The following CHIC2 variants were observed in gnomAD, a reference collection of about 807,000 sequenced individuals.
CHIC2 encodes cysteine-rich hydrophobic domain-containing protein 2.
CHIC2 carries 14 observed loss-of-function variants against 25.9 expected under a neutral mutation model. The ratio of observed to expected loss-of-function variants is 0.54; its 90% CI spans 0.36 to 0.85. The LOEUF (loss-of-function observed/expected upper bound fraction) is 0.85, where lower values mean the gene tolerates loss of function less well. Ranked by LOEUF, CHIC2 falls within the 40% of genes least tolerant of loss-of-function variation. CHIC2 has a pLI of 0.01. For synonymous variants in CHIC2, 70 were observed against 72.0 expected (o/e 0.97, Z 0.14); for missense variants, 146 against 202.0 (o/e 0.72, Z 1.68).
chr4:54,021,501 C>T (rs1715898072), intron 3 of CHIC2, among the ~76,000 whole-genome samples: 1 of 152,082 alleles, frequency 6.6e-6, no homozygotes, highest in African/African-American at 2.4e-5. Context: ...AGCCTCTGCT[C>T]CCCGACCCTA....
At chr4:54,078,810 C>T in the CHIC2 span, among the ~76,000 whole-genome samples, 1 of 152,042 alleles carries the variant, frequency 6.6e-6, no homozygotes, top group African/African-American at 2.4e-5. Flanking sequence ...CCACCGTTCC[C>T]GGCCTCTCTT....
the CHIC2 span, among the ~76,000 whole-genome samples, chr4:54,070,671 A>G: frequency 2.6e-5 from 4 of 151,948 alleles, no homozygotes; most frequent in Non-Finnish European, 5.9e-5. Flanking sequence ...GATCTGCCCA[A>G]CTCGGCCTCC....
intron 3 of CHIC2, among the ~76,000 whole-genome samples, chr4:54,044,901 G>GC (rs1265277857): frequency 6.6e-6 from 1 of 151,958 alleles, no homozygotes; most frequent in East Asian, 1.9e-4. Flanking sequence ...TAGACCGCTA[G>GC]CAAGACTAAT....
chr4:54,072,450 CA>C, the CHIC2 span, among the ~76,000 whole-genome samples: 1 of 152,120 alleles, frequency 6.6e-6, no homozygotes, highest in African/African-American at 2.4e-5. Context: ...AGAATGAACC[CA>C]AAAGTCATCT....
intron 3 of CHIC2, among the ~76,000 whole-genome samples, chr4:54,039,050 A>C (rs1716485501): frequency 6.6e-6 from 1 of 152,068 alleles, no homozygotes. Context: ...GGTACTGGAA[A>C]ACCTAGAAAG....
At chr4:54,090,848 C>T in the CHIC2 span, among the ~76,000 whole-genome samples, 2 of 151,998 alleles carry the variant, frequency 1.3e-5, no homozygotes, top group African/African-American at 2.4e-5. Flanking sequence ...CGTCTTATTA[C>T]GATCAGTGTT....
intron 3 of CHIC2, among the ~76,000 whole-genome samples, chr4:54,025,501 C>T (rs1401123750): frequency 6.6e-6 from 1 of 152,138 alleles, no homozygotes. Context: ...CCTTGTCGCT[C>T]ACACAAAGCC....
chr4:54,091,611 A>G, the CHIC2 span, among the ~76,000 whole-genome samples: 14 of 152,314 alleles, frequency 9.2e-5, no homozygotes, highest in Admixed American at 8.5e-4. Context: ...TGATGGGTGC[A>G]CCAAAATCTC....
the CHIC2 span, among the ~76,000 whole-genome samples, chr4:54,074,926 G>A: frequency 6.6e-6 from 1 of 152,030 alleles, no homozygotes; most frequent in Non-Finnish European, 1.5e-5. Context: ...TGGGCAACAT[G>A]GTGAGACCCT....
chr4:54,017,202 A>C (rs1297561128), intron 3 of CHIC2, among the ~76,000 whole-genome samples: 1 of 150,352 alleles, frequency 6.7e-6, no homozygotes, highest in African/African-American at 2.5e-5. Flanking sequence ...AACTGTGGAC[A>C]AGCAAATCTA....
Position 54,049,005 on chromosome 4 carries a change from A to T in CHIC2, c.280T>A (p.Cys94Ser). 1 of 1,607,154 alleles carries T rather than the reference A, an allele frequency of 6.2e-7. No homozygotes were observed. The highest frequency in any genetic ancestry group is 8.5e-7 in the Non-Finnish European group (1 of 1,175,992). ...RWLLCGCLCC[C>S]CTLGCSMWPV... ...CACATACTGCAACCTAATGTGCAGC[A>T]GCAACAAAGGCAGCCACAAAGTAGC... Residue 94 changes from cysteine to serine, a missense_variant, in exon 3 of 6, where the codon TGC becomes AGC. Coordinates refer to ENST00000263921, the MANE Select transcript of CHIC2 (RefSeq NM_012110.4).
intron 3 of CHIC2, among the ~76,000 whole-genome samples, chr4:54,043,158 A>G (rs553013366): frequency 2.6e-5 from 4 of 152,298 alleles, no homozygotes; most frequent in African/African-American, 7.2e-5. Context: ...GCGGTGGCTC[A>G]CGCCTGTAAT....
the CHIC2 span, among the ~76,000 whole-genome samples, chr4:54,073,662 C>A: frequency 1.3e-4 from 20 of 152,104 alleles, no homozygotes; most frequent in Non-Finnish European, 2.9e-5. Flanking sequence ...CAATTCCTAA[C>A]CTCCAGAAAC....
chr4:54,042,592 A>G (rs1716612424), intron 3 of CHIC2, among the ~76,000 whole-genome samples: 1 of 152,204 alleles, frequency 6.6e-6, no homozygotes, highest in Non-Finnish European at 1.5e-5. Flanking sequence ...TCTGGGTTAC[A>G]TGATGGCAAT....
At chr4:54,059,915 A>C (rs1717280819) in intron 1 of CHIC2, 3 of 152,230 alleles carry the variant, frequency 2.0e-5, no homozygotes, top group Admixed American at 2.0e-4. Flanking sequence ...TGAAGCCTTC[A>C]AAAATTTCAA....
intron 1 of CHIC2, among the ~76,000 whole-genome samples, chr4:54,057,829 C>G (rs1446019890): frequency 6.6e-6 from 1 of 152,160 alleles, no homozygotes. Context: ...AAAACCCAAG[C>G]ATCTACATTC....
chr4:54,064,758 C>T, upstream of CHIC2: 1 of 596,658 alleles, frequency 1.7e-6, no homozygotes, highest in Non-Finnish European at 2.1e-6. This position sits in a 1 kb window ranked among gnomAD's most constrained non-coding sequence, Gnocchi z 4.2. Context: ...GCCTCGCGCG[C>T]TCCCAGGCCA....
intron 3 of CHIC2, among the ~76,000 whole-genome samples, chr4:54,027,144 G>T (rs1471401675): frequency 1.3e-5 from 2 of 152,084 alleles, no homozygotes; most frequent in Admixed American, 6.5e-5. Flanking sequence ...ACAGCAAATG[G>T]ACACCCTAGA....
upstream of CHIC2, among the ~76,000 whole-genome samples, chr4:54,067,478 C>G (rs970874870): frequency 2.6e-5 from 4 of 152,042 alleles, no homozygotes; most frequent in African/African-American, 9.7e-5. Context: ...CCCTGCCAAC[C>G]TTCCAAGATC....
Sources: gnomAD v4.1 joint callset for allele counts (sites outside exome capture counted in the v4.1 genomes callset) on GRCh38, gnomAD v4.1.1 for gene constraint, Gnocchi (gnomAD v3.1) non-coding constraint, MANE v1.5 for transcripts, NCBI Gene and HGNC (gene_info 2026-07-23, HGNC 2026-07-21) for gene names.